BIN3: variants seen among roughly 807,000 people sequenced by gnomAD.
BIN3 encodes bridging integrator 3.
A neutral mutation model predicts 38.2 loss-of-function variants in BIN3; 41 were observed. The observed-to-expected ratio is 1.07, with a 90% CI of 0.84 to 1.39. BIN3 has a LOEUF of 1.39. Among genes scored for constraint, BIN3 ranks in the 40% most tolerant of loss-of-function variants. BIN3 has a pLI of 0.00. For synonymous variants in BIN3, 145 were observed against 122.6 expected, an observed-to-expected ratio of 1.18 and a Z score of -1.21; for missense variants, 361 against 324.3, an observed-to-expected ratio of 1.11 and a Z score of -0.87.
rs59571883 is a variant in BIN3, at chr8:22,632,303, G to A, written c.161-1725C>T. On this transcript the variant is annotated intron_variant, in intron 4 of 8. Coordinates refer to ENST00000276416, the MANE Select transcript of BIN3 (RefSeq NM_018688.6). ...GCTCCCCGGGGAAGGGTCTGCCTCC[G>A]CCAGGCCCCTTCACCAGTCAGCAAA... 1.2e-4 allele frequency among the ~76,000 whole-genome samples: 19 copies of A among 152,270 alleles called. No homozygotes were observed. The East Asian group carries it at 1.9e-3, about 15-fold the overall frequency.
intron 4 of BIN3, among the ~76,000 whole-genome samples, chr8:22,630,955 C>T (rs903643869): frequency 1.3e-5 from 2 of 152,128 alleles, no homozygotes; most frequent in Admixed American, 1.3e-4. Context: ...GGACGTGATG[C>T]TTGGTTTGGG....
At chr8:22,634,290 G>A (rs887191975) in intron 4 of BIN3, 11 of 312,860 alleles carry the variant, frequency 3.5e-5, no homozygotes, top group South Asian at 1.5e-4. Flanking sequence ...GTTTGGCAAC[G>A]CTAGAGGCCA....
chr8:22,639,275 A>T, intron 2 of BIN3, among the ~76,000 whole-genome samples: 1 of 149,910 alleles, frequency 6.7e-6, no homozygotes, highest in Non-Finnish European at 1.5e-5. Flanking sequence ...TCTGTTGCCC[A>T]GGCTGGAATG....
chr8:22,648,894 C>CATATGTAT lies in BIN3; in HGVS notation c.9-4092_9-4091insATACATAT, dbSNP rs369500575. Among the ~76,000 whole-genome samples, 680 of 148,016 alleles carry CATATGTAT rather than the reference C, an allele frequency of 4.6e-3. 5 individuals are homozygous for CATATGTAT. Among genetic ancestry groups the CATATGTAT allele is most frequent in the African/African-American group, 0.016 (657 of 39,834 alleles). ...TGTCCCTTTGACATATCCACATCAACGTATGTATGTATGTATGTATGTATG... is the reference window on the plus strand; with the variant it reads ...TGTCCCTTTGACATATCCACATCAACATATGTATGTATGTATGTATGTATGTATGTATG... On this transcript the variant is annotated intron_variant, in intron 1 of 8. Transcript: ENST00000276416.
chr8:22,659,183 A>G (rs2117593204), intron 1 of BIN3, among the ~76,000 whole-genome samples: 1 of 152,364 alleles, frequency 6.6e-6, no homozygotes, highest in East Asian at 1.9e-4. Flanking sequence ...GGCCAAGGAA[A>G]GTTCAGCCTG....
At chr8:22,651,261 G>A (rs570591195) in intron 1 of BIN3, among the ~76,000 whole-genome samples, 24 of 152,178 alleles carry the variant, frequency 1.6e-4, no homozygotes, top group African/African-American at 5.5e-4. Flanking sequence ...TTCAATCTGT[G>A]GTCTAACTCT....
At chr8:22,629,246 C>T (rs912413562) in intron 6 of BIN3, among the ~76,000 whole-genome samples, 3 of 152,138 alleles carry the variant, frequency 2.0e-5, no homozygotes, top group East Asian at 3.9e-4. Flanking sequence ...CTGGGACCAC[C>T]GCAGAAGAGG....
At chr8:22,655,092 T>G (rs535013172) in intron 1 of BIN3, among the ~76,000 whole-genome samples, 1 of 152,364 alleles carries the variant, frequency 6.6e-6, no homozygotes, top group Non-Finnish European at 1.5e-5. Flanking sequence ...TTCATTTGTA[T>G]ATCTTTGGAG....
chr8:22,641,358 C>G (rs1171145921), intron 2 of BIN3, among the ~76,000 whole-genome samples: 2 of 152,204 alleles, frequency 1.3e-5, no homozygotes, highest in African/African-American at 4.8e-5. Context: ...TTGCTGTTCC[C>G]TGCTCTTTTG....
At chr8:22,664,747 A>AG (rs1223056722) in intron 1 of BIN3, among the ~76,000 whole-genome samples, 5 of 152,236 alleles carry the variant, frequency 3.3e-5, no homozygotes, top group Non-Finnish European at 7.3e-5. Context: ...TAAGTTACCA[A>AG]GGGGGATCAT....
At chr8:22,634,350 G>A in intron 4 of BIN3, 1 of 386,606 alleles carries the variant, frequency 2.6e-6, no homozygotes, top group Non-Finnish European at 5.2e-6. Flanking sequence ...ATTAGCACTG[G>A]CATGAAAATT....
chr8:22,655,409 G>A (rs1046254847), intron 1 of BIN3, among the ~76,000 whole-genome samples: 1 of 152,118 alleles, frequency 6.6e-6, no homozygotes, highest in African/African-American at 2.4e-5. Flanking sequence ...TTATAGTTTA[G>A]CTCTTACATT....
intron 2 of BIN3, among the ~76,000 whole-genome samples, chr8:22,639,914 G>T (rs2117544893): frequency 6.6e-6 from 1 of 152,060 alleles, no homozygotes; most frequent in Non-Finnish European, 1.5e-5. Flanking sequence ...CAGGCTACAG[G>T]GCAATGGCGT....
Position 22,629,984 on chromosome 8 carries a change from A to G in BIN3, c.318T>C (p.Thr106=). Residue 106 remains threonine (T), a synonymous_variant, in exon 6 of 9, where the codon ACT becomes ACC. Coordinates refer to ENST00000276416, the MANE Select transcript of BIN3 (RefSeq NM_018688.6). ...NQEKVNQIQK[T]VIEPLKKFGS... ...CTCACTTTTTTAAGGGCTCGATCAC[A>G]GTCTTCTGGATCTGGTTCACCTGTC... 1 of 1,609,678 alleles carries G rather than the reference A, an allele frequency of 6.2e-7. No individual in the cohort carries two copies. Among genetic ancestry groups the G allele is most frequent in the Non-Finnish European group, 8.5e-7 (1 of 1,177,832 alleles).
intron 6 of BIN3, 130 bp from the exon 7 acceptor site, chr8:22,624,493 CACTT>C (rs1282459024): frequency 2.0e-5 from 25 of 1,273,322 alleles, no homozygotes; most frequent in Non-Finnish European, 2.5e-5. Flanking sequence ...GGCCAGCACT[CACTT>C]GTCCAAAAAT....
chr8:22,628,528 G>C (rs923957142), intron 6 of BIN3, among the ~76,000 whole-genome samples: 1 of 152,206 alleles, frequency 6.6e-6, no homozygotes, highest in African/African-American at 2.4e-5. Context: ...CGCCCCCTCT[G>C]CCACGCCCCC....
chr8:22,657,367 A>C (rs553843748), intron 1 of BIN3, among the ~76,000 whole-genome samples: 1 of 152,230 alleles, frequency 6.6e-6, no homozygotes, highest in Non-Finnish European at 1.5e-5. Context: ...AACAAAACAC[A>C]AACAAAAAAC....
intron 1 of BIN3, among the ~76,000 whole-genome samples, chr8:22,649,775 G>T (rs377204521): frequency 6.7e-6 from 1 of 148,784 alleles, no homozygotes; most frequent in Non-Finnish European, 1.5e-5. Flanking sequence ...CCTGATCAGT[G>T]TTAAAAACCT....
intron 6 of BIN3, chr8:22,624,608 C>A: frequency 1.0e-5 from 5 of 499,942 alleles, no homozygotes; most frequent in Non-Finnish European, 1.1e-5. Context: ...CTTGTGCGAA[C>A]GTGGACAATG....
Sources: gnomAD v4.1 joint callset for allele counts (sites outside exome capture counted in the v4.1 genomes callset) on GRCh38, gnomAD v4.1.1 for gene constraint, MANE v1.5 for transcripts, NCBI Gene and HGNC (gene_info 2026-07-23, HGNC 2026-07-21) for gene names.